CACHD1: variants seen among roughly 807,000 people sequenced by gnomAD.
The protein encoded by CACHD1 is cache domain containing 1.
CACHD1 carries 71 observed loss-of-function variants against 138.7 expected under a neutral mutation model. That is an observed-to-expected ratio of 0.51 (90% CI 0.42 to 0.62). The LOEUF is 0.62. CACHD1 is among the 20% of genes least tolerant of loss of function. The pLI, the probability that CACHD1 is intolerant of heterozygous loss-of-function variation, is 0.00. For missense variants in CACHD1, 1,389 were observed against 1,625.3 expected, an observed-to-expected ratio of 0.85 and a Z score of 2.50; for synonymous variants, 578 against 591.5, an observed-to-expected ratio of 0.98 and a Z score of 0.33.
chr1:64,683,303 T>A (rs1026697907), intron 26 of CACHD1, among the ~76,000 whole-genome samples: 1 of 152,238 alleles, frequency 6.6e-6, no homozygotes, highest in African/African-American at 2.4e-5. Context: ...TTGACTTTTT[T>A]GCTTTTTTCT....
chr1:64,590,795 T>C (rs1647093789), intron 3 of CACHD1, among the ~76,000 whole-genome samples: 1 of 152,212 alleles, frequency 6.6e-6, no homozygotes, highest in African/African-American at 2.4e-5. Context: ...AAAAGAAGTA[T>C]CATAAGCAGT....
At chr1:64,584,802 G>T (rs1044265323) in intron 3 of CACHD1, among the ~76,000 whole-genome samples, 1 of 152,296 alleles carries the variant, frequency 6.6e-6, no homozygotes, top group Non-Finnish European at 1.5e-5. Flanking sequence ...GAACGAGTAA[G>T]AAGGTGTCTA....
chr1:64,556,280 T>A (rs996229481), intron 2 of CACHD1, among the ~76,000 whole-genome samples: 1 of 152,224 alleles, frequency 6.6e-6, no homozygotes, highest in Non-Finnish European at 1.5e-5. Flanking sequence ...TAAGAACAAT[T>A]GTAACCGCTT....
chr1:64,571,042 G>C (rs932602700), intron 2 of CACHD1, among the ~76,000 whole-genome samples: 5 of 152,032 alleles, frequency 3.3e-5, no homozygotes, highest in African/African-American at 1.2e-4. Flanking sequence ...CTGAAGCCTA[G>C]AAAGGCCTTT....
intron 2 of CACHD1, among the ~76,000 whole-genome samples, chr1:64,554,159 G>A (rs1217477398): frequency 2.6e-5 from 4 of 152,114 alleles, no homozygotes; most frequent in Non-Finnish European, 4.4e-5. Context: ...AGCCTCCCGA[G>A]TAGTTGGGAC....
intron 2 of CACHD1, among the ~76,000 whole-genome samples, chr1:64,551,505 G>A (rs1646758776): frequency 6.6e-6 from 1 of 152,138 alleles, no homozygotes; most frequent in Non-Finnish European, 1.5e-5. Flanking sequence ...TGAAACTCAA[G>A]TAAAAAACAG....
intron 4 of CACHD1, among the ~76,000 whole-genome samples, chr1:64,618,787 G>A (rs909572904): frequency 6.6e-6 from 1 of 152,172 alleles, no homozygotes; most frequent in Non-Finnish European, 1.5e-5. Flanking sequence ...TGTTGAGGAA[G>A]TATGTGTGTT....
intron 1 of CACHD1, among the ~76,000 whole-genome samples, chr1:64,471,368 G>T (rs898855045): frequency 6.6e-6 from 1 of 152,172 alleles, no homozygotes; most frequent in South Asian, 2.1e-4. Flanking sequence ...CGTCTGGCTC[G>T]GACGATTTTC....
chr1:64,672,480 A>G (rs542582239), intron 17 of CACHD1, among the ~76,000 whole-genome samples: 2 of 152,318 alleles, frequency 1.3e-5, no homozygotes, highest in East Asian at 3.9e-4. Flanking sequence ...CCACATTCAC[A>G]TAACTTTTAT....
At chr1:64,667,257 T>C (rs975483726) in intron 16 of CACHD1, among the ~76,000 whole-genome samples, 1 of 152,208 alleles carries the variant, frequency 6.6e-6, no homozygotes, top group Non-Finnish European at 1.5e-5. Flanking sequence ...TTAACATTTA[T>C]AGGAGGCAGA....
chr1:64,536,854 A>G (rs1429011464), intron 1 of CACHD1, among the ~76,000 whole-genome samples: 2 of 152,206 alleles, frequency 1.3e-5, no homozygotes, highest in Non-Finnish European at 2.9e-5. Flanking sequence ...TTTAATTTGA[A>G]GAGCAAACCT....
Position 64,470,890 on chromosome 1 carries a change from C to A in CACHD1, c.146C>A (p.Ala49Glu), listed in dbSNP as rs369981595. Residue 49 changes from alanine (A) to glutamate (E), a missense_variant, in exon 1 of 27, where the codon GCG (alanine) becomes GAG (glutamate). Coordinates refer to ENST00000651257, the MANE Select transcript of CACHD1 (RefSeq NM_020925.4). This position sits in a 1 kb window ranked among gnomAD's most constrained non-coding sequence, Gnocchi z 5.2. Reference sequence around the variant, plus strand: ...ATCCTGGACGAGGCGCAAGTGCTGGCGAGCCAGATGCGGAGGCTGGCGGCC... The same window carrying A: ...ATCCTGGACGAGGCGCAAGTGCTGGAGAGCCAGATGCGGAGGCTGGCGGCC... ...FSILDEAQVLASQMRRLAAEE... is the reference protein window; with the variant it reads ...FSILDEAQVLESQMRRLAAEE... 23 of 1,608,492 alleles carry A rather than the reference C, an allele frequency of 1.4e-5. No homozygotes were observed. Among genetic ancestry groups the A allele is most frequent in the Non-Finnish European group, 2.0e-5 (23 of 1,178,390 alleles).
At chr1:64,538,062 G>C (rs1646647425) in intron 1 of CACHD1, among the ~76,000 whole-genome samples, 1 of 152,176 alleles carries the variant, frequency 6.6e-6, no homozygotes, top group South Asian at 2.1e-4. Context: ...TGAGAGTCAT[G>C]GCATGTGGTG....
rs909100098 is a variant in CACHD1 at position 64,641,922 on chromosome 1, G to C, written c.1109G>C (p.Ser370Thr). ...CTCCAAGTCATCAATGAAGAAAATA[G>C]CTTTCTAAACAACTCTGTAATGATT... The part of the protein sequence containing the change: ...ATLQVINEEN[S>T]FLNNSVMILT... The change falls in exon 8 of 27, where the codon AGC becomes ACC. Residue 370 changes from serine (S) to threonine (T), a missense_variant. This residue lies in a region of CACHD1 where 1,000 missense variants were observed against 1,114.7 expected (regional missense o/e 0.90). Coordinates refer to ENST00000651257, the MANE Select transcript of CACHD1 (RefSeq NM_020925.4). 6.2e-7 allele frequency: 1 copy of C among 1,606,746 alleles called. No homozygotes were observed. The highest frequency in any genetic ancestry group is 8.5e-7 in the Non-Finnish European group (1 of 1,177,494).
intron 4 of CACHD1, among the ~76,000 whole-genome samples, chr1:64,613,783 C>T (rs1647611488): frequency 1.3e-5 from 2 of 152,082 alleles, no homozygotes; most frequent in Admixed American, 6.6e-5. Context: ...TCTTACCATC[C>T]TCCTCACCTC....
At chr1:64,579,160 A>G (rs1366530751) in intron 2 of CACHD1, among the ~76,000 whole-genome samples, 1 of 152,258 alleles carries the variant, frequency 6.6e-6, no homozygotes, top group Non-Finnish European at 1.5e-5. Context: ...TCATGTTCCA[A>G]TAAATATTAA....
chr1:64,538,671 C>T (rs7556367), intron 1 of CACHD1, among the ~76,000 whole-genome samples: 120,938 of 152,168 alleles, frequency 0.79, 49,968 homozygotes, highest in Non-Finnish European at 0.9. Flanking sequence ...GATGTTTTGA[C>T]TTATACTTTC....
At chr1:64,478,297 G>A (rs1439618519) in intron 1 of CACHD1, among the ~76,000 whole-genome samples, 1 of 152,134 alleles carries the variant, frequency 6.6e-6, no homozygotes, top group African/African-American at 2.4e-5. Flanking sequence ...TTTCATGCCT[G>A]GCTTTCTCCA....
At chr1:64,606,702 A>C (rs537209145) in intron 4 of CACHD1, among the ~76,000 whole-genome samples, 1 of 152,252 alleles carries the variant, frequency 6.6e-6, no homozygotes, top group Non-Finnish European at 1.5e-5. Context: ...AAATCCAGGC[A>C]GCAGATGATG....
Sources: gnomAD v4.1 joint callset for allele counts (sites outside exome capture counted in the v4.1 genomes callset) on GRCh38, gnomAD v4.1.1 for gene constraint, gnomAD v4.1.1 regional missense constraint, Gnocchi (gnomAD v3.1) non-coding constraint, MANE v1.5 for transcripts, NCBI Gene and HGNC (gene_info 2026-07-23, HGNC 2026-07-21) for gene names.